TUBB2B: variants seen among roughly 807,000 people sequenced by gnomAD.
The protein encoded by TUBB2B is tubulin beta-2B chain.
In TUBB2B, 5 loss-of-function variants were observed where a neutral mutation model predicts 35.0. That is an observed-to-expected ratio of 0.14 (90% CI 0.07 to 0.30). The LOEUF is 0.30. TUBB2B is among the 10% of genes least tolerant of loss of function. The pLI, the probability that TUBB2B is intolerant of heterozygous loss-of-function variation, is 1.00. For missense variants in TUBB2B, 63 were observed against 601.8 expected (o/e 0.10, Z 9.37); for synonymous variants, 166 against 250.5 (o/e 0.66, Z 3.18).
Position 3,227,111 on chromosome 6 carries a change from C to G in TUBB2B, c.57+376G>C, listed in dbSNP as rs1044048283. 2.6e-5 allele frequency among the ~76,000 whole-genome samples: 4 copies of G among 152,180 alleles called. No individual in the cohort carries two copies. Among genetic ancestry groups the G allele is most frequent in the South Asian group, 4.1e-4 (2 of 4,838 alleles). ...AGACAATCGCTCTCCTCCCCTCCCCCGGCAGCTCGACTCCGGTTCAAGCGA... is the reference window on the plus strand; with the variant it reads ...AGACAATCGCTCTCCTCCCCTCCCCGGGCAGCTCGACTCCGGTTCAAGCGA... On this transcript the variant is annotated intron_variant, in intron 1 of 3. Coordinates refer to ENST00000259818, the MANE Select transcript of TUBB2B (RefSeq NM_178012.5). The surrounding 1 kb of genome is among the most constrained non-coding windows in gnomAD (Gnocchi z 7.8).
In TUBB2B at chr6:3,224,759, C is replaced by A; in HGVS notation, c.1330G>T (p.Glu444Ter). ...CCGTCTCGCGGGGGCATCTACGCCTCGTCCTCGCCCTCCTCCTCCTCGAAC... is the reference window on the plus strand; with the variant it reads ...CCGTCTCGCGGGGGCATCTACGCCTAGTCCTCGCCCTCCTCCTCCTCGAAC... ...GEFEEEEGED[E>*]A The change falls in exon 4 of 4, where the codon GAG becomes TAG. Residue 444 changes from glutamate (E) to a stop codon, truncating the protein, a stop_gained. Coordinates refer to ENST00000259818, the MANE Select transcript of TUBB2B (RefSeq NM_178012.5). LOFTEE classifies it high-confidence loss of function. The A allele has an allele frequency of 6.2e-7, 1 of 1,614,012 alleles. No homozygotes were observed. The highest frequency in any genetic ancestry group is 8.5e-7 in the Non-Finnish European group (1 of 1,180,012).
Position 3,225,818 on chromosome 6 carries a change from G to A in TUBB2B, c.278-7C>T, listed in dbSNP as rs1238943198. 1.2e-6 allele frequency: 2 copies of A among 1,613,742 alleles called. No homozygotes were observed. Among genetic ancestry groups the A allele is most frequent in the Non-Finnish European group, 1.7e-6 (2 of 1,179,908 alleles). ...TTCCCGGCTCCACTCTGGCCTGCCA[G>A]AGGGAAAGAGAAATCTTAAGTCACC... is the stretch of plus-strand genomic sequence containing the variant. On this transcript the variant is annotated splice_region_variant and splice_polypyrimidine_tract_variant and intron_variant, in intron 3 of 3. Coordinates refer to ENST00000259818, the MANE Select transcript of TUBB2B (RefSeq NM_178012.5).
In TUBB2B at chr6:3,226,505, G is replaced by A; in HGVS notation, c.166+56C>T. 6.6e-7 allele frequency: 1 copy of A among 1,523,774 alleles called. No individual in the cohort carries two copies. Among genetic ancestry groups the A allele is most frequent in the Middle Eastern group, 1.7e-4 (1 of 5,776 alleles). 94.4% of individuals were successfully genotyped at this position (1,523,774 alleles called of 1,614,324 possible). A position where few individuals can be genotyped will look rare whatever the true frequency, so the allele number is the denominator to read the frequency against. On this transcript the variant is annotated intron_variant, in intron 2 of 3. Transcript: ENST00000259818. The surrounding 1 kb of genome is among the most constrained non-coding windows in gnomAD (Gnocchi z 5.5). Reference sequence around the variant, plus strand: ...CACACCCCTGGGGTCCCACGCAAGGGAAAGGGGAGAAGGTGGAAAAACTGA... The same window carrying A: ...CACACCCCTGGGGTCCCACGCAAGGAAAAGGGGAGAAGGTGGAAAAACTGA...
chr6:3,226,685 T>C lies in TUBB2B; in HGVS notation c.58-16A>G. 6.2e-7 allele frequency: 1 copy of C among 1,606,356 alleles called. No individual in the cohort carries two copies. The highest frequency in any genetic ancestry group is 1.1e-5 in the South Asian group (1 of 90,888). On this transcript the variant is annotated splice_polypyrimidine_tract_variant and intron_variant, in intron 1 of 3. Transcript: ENST00000259818. The surrounding 1 kb of genome is among the most constrained non-coding windows in gnomAD (Gnocchi z 5.5). ...CCTCCCAAAACTGAGACAGAAAGGC[T>C]GCATTTAGCCATGAACGATGCCCCC...
Position 3,224,943 on chromosome 6 carries a change from G to C in TUBB2B, c.1146C>G (p.Ser382=). The change falls in exon 4 of 4, where the codon TCC becomes TCG. Residue 382 remains serine, a synonymous_variant. Transcript: ENST00000259818. ...TAIQELFKRI[S]EQFTAMFRRK... is the part of the protein sequence containing the mutation. ...GCCGGAACATGGCCGTGAACTGCTC[G>C]GAGATGCGCTTGAACAGCTCCTGGA... 1 of 1,563,976 alleles carries C rather than the reference G, an allele frequency of 6.4e-7. No homozygotes were observed. Among genetic ancestry groups the C allele is most frequent in the Non-Finnish European group, 8.6e-7 (1 of 1,157,386 alleles).
Position 3,226,156 on chromosome 6 carries a change from C to T in TUBB2B, c.277+3G>A. 1.9e-6 allele frequency: 3 copies of T among 1,613,134 alleles called. No homozygotes were observed. Among genetic ancestry groups the T allele is most frequent in the Non-Finnish European group, 2.5e-6 (3 of 1,179,346 alleles). Reference sequence around the variant, plus strand: ...CATGCTCTCAGCCACACCAGGCACTCACCAAACACGAAATTGTCTGGTCTG... The same window carrying T: ...CATGCTCTCAGCCACACCAGGCACTTACCAAACACGAAATTGTCTGGTCTG... On this transcript the variant is annotated splice_donor_region_variant and intron_variant, in intron 3 of 3. Coordinates refer to ENST00000259818, the MANE Select transcript of TUBB2B (RefSeq NM_178012.5). This position sits in a 1 kb window ranked among gnomAD's most constrained non-coding sequence, Gnocchi z 5.5.
Position 3,226,035 on chromosome 6 carries a change from T to G in TUBB2B, c.277+124A>C. 1 of 1,332,968 alleles carries G rather than the reference T, an allele frequency of 7.5e-7. No individual in the cohort carries two copies. The highest frequency in any genetic ancestry group is 1.1e-6 in the Non-Finnish European group (1 of 943,212). 82.6% of individuals were successfully genotyped at this position (1,332,968 alleles called of 1,614,324 possible). ...GAAAGGCAAACAATTTTACACTATA[T>G]TAAAGCTAAGTTGGCACACCGCGGA... is the stretch of plus-strand genomic sequence containing the variant. On this transcript the variant is annotated intron_variant, in intron 3 of 3. Coordinates refer to ENST00000259818, the MANE Select transcript of TUBB2B (RefSeq NM_178012.5). This position sits in a 1 kb window ranked among gnomAD's most constrained non-coding sequence, Gnocchi z 5.5.
Position 3,226,081 on chromosome 6 carries a change from TG to T in TUBB2B, c.277+77del. 7.0e-7 allele frequency: 1 copy of T among 1,434,560 alleles called. No homozygotes were observed. Among genetic ancestry groups the T allele is most frequent in the Non-Finnish European group, 9.8e-7 (1 of 1,020,712 alleles). 88.9% of individuals were successfully genotyped at this position (1,434,560 alleles called of 1,614,324 possible). On this transcript the variant is annotated intron_variant, in intron 3 of 3. Transcript: ENST00000259818. The surrounding 1 kb of genome is among the most constrained non-coding windows in gnomAD (Gnocchi z 5.5). ...GCGGATGTTCTTCATGCTTTCCCTC[TG>T]GCAATCACACCTCTTCAGCCTCCAC...
intron 3 of TUBB2B, 21 bp from the exon 4 acceptor site, chr6:3,225,832 T>G (rs768319580): frequency 4.3e-6 from 7 of 1,613,594 alleles, no homozygotes; most frequent in Non-Finnish European, 5.9e-6. Context: ...GAAAGAGAAA[T>G]CTTAAGTCAC....
In TUBB2B at chr6:3,226,007, G is replaced by A; in HGVS notation, c.277+152C>T. ...AGGCCAGGACACCAAGCTCTTAGCAGCTGAAAGGCAAACAATTTTACACTA... is the reference window on the plus strand; with the variant it reads ...AGGCCAGGACACCAAGCTCTTAGCAACTGAAAGGCAAACAATTTTACACTA... On this transcript the variant is annotated intron_variant, in intron 3 of 3. Coordinates refer to ENST00000259818, the MANE Select transcript of TUBB2B (RefSeq NM_178012.5). The surrounding 1 kb of genome is among the most constrained non-coding windows in gnomAD (Gnocchi z 5.5). The A allele has an allele frequency of 7.6e-7, 1 of 1,315,416 alleles. No homozygotes were observed. The allele number at this position is 1,315,416 out of a possible 1,614,324, so 81.5% of individuals were successfully genotyped here. A position where few individuals can be genotyped will look rare whatever the true frequency, so the allele number is the denominator to read the frequency against.
rs778850104 is a variant in TUBB2B at position 3,227,496 on chromosome 6, G to T, written c.48C>A (p.Ile16=). 1.9e-6 allele frequency: 3 copies of T among 1,609,072 alleles called. No homozygotes were observed. The highest frequency in any genetic ancestry group is 3.3e-5 in the Admixed American group (2 of 60,008). The part of the protein sequence containing the change: ...HIQAGQCGNQ[I]GAKFWEVISD... ...GCTGCGGCGCGCCCACCTTGGCGCCGATCTGGTTGCCGCACTGGCCCGCCT... is the reference window on the plus strand; with the variant it reads ...GCTGCGGCGCGCCCACCTTGGCGCCTATCTGGTTGCCGCACTGGCCCGCCT... The change falls in exon 1 of 4, where the codon ATC becomes ATA. Residue 16 remains isoleucine (I), a synonymous_variant. Coordinates refer to ENST00000259818, the MANE Select transcript of TUBB2B (RefSeq NM_178012.5). This position sits in a 1 kb window ranked among gnomAD's most constrained non-coding sequence, Gnocchi z 7.8.
chr6:3,226,272 G>T lies in TUBB2B; in HGVS notation c.167-3C>A, dbSNP rs750978903. The stretch of plus-strand genomic sequence containing the variant: ...GGCCCGAGGAACATATTTGTTACCT[G>T]CAAGGAACAACAGTGACTTAGACCC... On this transcript the variant is annotated splice_polypyrimidine_tract_variant and splice_region_variant and intron_variant, in intron 2 of 3. Transcript: ENST00000259818. This position sits in a 1 kb window ranked among gnomAD's most constrained non-coding sequence, Gnocchi z 5.5. 1 of 1,612,826 alleles carries T rather than the reference G, an allele frequency of 6.2e-7. No homozygotes were observed. The highest frequency in any genetic ancestry group is 1.1e-5 in the South Asian group (1 of 91,040).
chr6:3,226,416 C>T lies in TUBB2B; in HGVS notation c.166+145G>A. On this transcript the variant is annotated intron_variant, in intron 2 of 3. Transcript: ENST00000259818. This position sits in a 1 kb window ranked among gnomAD's most constrained non-coding sequence, Gnocchi z 5.5. Reference sequence around the variant, plus strand: ...AAGGGCTCTGTTGGCATAAGGAAGCCCAATGAAATACTGCAGGGAAAGAGC... The same window carrying T: ...AAGGGCTCTGTTGGCATAAGGAAGCTCAATGAAATACTGCAGGGAAAGAGC... 2 of 1,035,148 alleles carry T rather than the reference C, an allele frequency of 1.9e-6. No homozygotes were observed. Among genetic ancestry groups the T allele is most frequent in the South Asian group, 1.3e-5 (1 of 76,582 alleles). 64.1% of individuals were successfully genotyped at this position (1,035,148 alleles called of 1,614,324 possible).
Position 3,224,901 on chromosome 6 carries a change from G to A in TUBB2B, c.1188C>T (p.His396=). Residue 396 remains histidine, a synonymous_variant, in exon 4 of 4, where the codon CAC becomes CAT. Transcript: ENST00000259818. ...CGTCCATGCCCTCGCCCGTGTACCA[G>A]TGCAGGAAGGCCTTGCGCCGGAACA... The part of the protein sequence containing the change: ...TAMFRRKAFL[H]WYTGEGMDEM... The A allele has an allele frequency of 1.3e-6, 2 of 1,598,082 alleles. No individual in the cohort carries two copies. Among genetic ancestry groups the A allele is most frequent in the Non-Finnish European group, 8.5e-7 (1 of 1,175,676 alleles).
In TUBB2B at chr6:3,226,883, G is replaced by A. The variant is rs895757024; in HGVS notation, c.58-214C>T. ...TCCCAGGCAAACAGCTGCCGCTCGC[G>A]GGGGGAGGTAGGGGTCGAGGGGGTA... is the stretch of plus-strand genomic sequence containing the variant. On this transcript the variant is annotated intron_variant, in intron 1 of 3. Transcript: ENST00000259818. The surrounding 1 kb of genome is among the most constrained non-coding windows in gnomAD (Gnocchi z 5.5). Among the ~76,000 whole-genome samples the A allele has an allele frequency of 6.6e-6, 1 of 152,172 alleles. No individual in the cohort carries two copies. Among genetic ancestry groups the A allele is most frequent in the African/African-American group, 2.4e-5 (1 of 41,444 alleles).
rs1438411512 is a variant in TUBB2B at position 3,226,922 on chromosome 6, G to A, written c.58-253C>T. ...GTCGAGGGGGTAAGGACCAGCCAAA[G>A]CCGGGCAGTGGCGGAGCTTGGCGCA... On this transcript the variant is annotated intron_variant, in intron 1 of 3. Transcript: ENST00000259818. This position sits in a 1 kb window ranked among gnomAD's most constrained non-coding sequence, Gnocchi z 5.5. Among the ~76,000 whole-genome samples, 1 of 152,156 alleles carries A rather than the reference G, an allele frequency of 6.6e-6. No individual in the cohort carries two copies. Among genetic ancestry groups the A allele is most frequent in the African/African-American group, 2.4e-5 (1 of 41,446 alleles).
Position 3,226,119 on chromosome 6 carries a change from A to G in TUBB2B, c.277+40T>C, listed in dbSNP as rs747258930. On this transcript the variant is annotated intron_variant, in intron 3 of 3. Transcript: ENST00000259818. The surrounding 1 kb of genome is among the most constrained non-coding windows in gnomAD (Gnocchi z 5.5). ...TCTTCAGCCTCCACTGCCCAGCGTA[A>G]AATGAATCCCTCATGCTCTCAGCCA... The G allele has an allele frequency of 1.9e-6, 3 of 1,574,646 alleles. No homozygotes were observed. The highest frequency in any genetic ancestry group is 2.6e-6 in the Non-Finnish European group (3 of 1,145,568).
In TUBB2B at chr6:3,226,794, T is replaced by G; in HGVS notation, c.58-125A>C. On this transcript the variant is annotated intron_variant, in intron 1 of 3. Coordinates refer to ENST00000259818, the MANE Select transcript of TUBB2B (RefSeq NM_178012.5). This position sits in a 1 kb window ranked among gnomAD's most constrained non-coding sequence, Gnocchi z 5.5. ...CAGGAGCTTGAAGCTTTAAAGGGCG[T>G]CGTGACCCGGGCACAGCCGCGGGGC... 1.1e-6 allele frequency: 1 copy of G among 886,824 alleles called. No homozygotes were observed. The highest frequency in any genetic ancestry group is 2.2e-4 in the Middle Eastern group (1 of 4,650). The allele number at this position is 886,824 out of a possible 1,614,324, so 54.9% of individuals were successfully genotyped here.
chr6:3,226,715 A>G lies in TUBB2B; in HGVS notation c.58-46T>C, dbSNP rs1254249755. On this transcript the variant is annotated intron_variant, in intron 1 of 3. Transcript: ENST00000259818. The surrounding 1 kb of genome is among the most constrained non-coding windows in gnomAD (Gnocchi z 5.5). ...TTAGCCATGAACGATGCCCCCAGAA[A>G]CGCCAAGGCTCACAATGAAATGTCC... The G allele has an allele frequency of 6.7e-7, 1 of 1,490,546 alleles. No homozygotes were observed. The highest frequency in any genetic ancestry group is 1.7e-5 in the Admixed American group (1 of 59,892). 92.3% of individuals were successfully genotyped at this position (1,490,546 alleles called of 1,614,324 possible).
Sources: gnomAD v4.1 joint callset for allele counts (sites outside exome capture counted in the v4.1 genomes callset) on GRCh38, gnomAD v4.1.1 for gene constraint, Gnocchi (gnomAD v3.1) non-coding constraint, MANE v1.5 for transcripts, NCBI Gene and HGNC (gene_info 2026-07-23, HGNC 2026-07-21) for gene names.